Variants in FHIT observed in about 807,000 individuals in gnomAD.
The protein encoded by FHIT is bis(5'-adenosyl)-triphosphatase.
A neutral mutation model predicts 17.9 loss-of-function variants in FHIT; 19 were observed. The ratio of observed to expected loss-of-function variants is 1.06; its 90% CI spans 0.74 to 1.56. The LOEUF (loss-of-function observed/expected upper bound fraction) is 1.56. Among genes scored for constraint, FHIT ranks in the 40% most tolerant of loss-of-function variants. The pLI, the probability that FHIT is intolerant of heterozygous loss-of-function variation, is 0.00. For missense variants in FHIT, 248 were observed against 189.2 expected, an observed-to-expected ratio of 1.31 and a Z score of -1.82; for synonymous variants, 81 against 69.7, an observed-to-expected ratio of 1.16 and a Z score of -0.81.
chr3:60,013,885 T>C, intron 6 of FHIT, 122 bp downstream of exon 6: 1 of 1,017,112 alleles, frequency 9.8e-7, no homozygotes, highest in Non-Finnish European at 1.5e-6. Context: ...TCTCTTTTTT[T>C]GGCTGCTACC....
chr3:60,001,117 C>T (rs1699713745), intron 7 of FHIT, among the ~76,000 whole-genome samples: 1 of 152,194 alleles, frequency 6.6e-6, no homozygotes, highest in Non-Finnish European at 1.5e-5. Flanking sequence ...TTGTTTTAGT[C>T]TTTCTAGTAT....
At chr3:60,996,543 T>A (rs73102302) in intron 3 of FHIT, among the ~76,000 whole-genome samples, 12,567 of 152,232 alleles carry the variant, frequency 0.083, 557 homozygotes, top group East Asian at 0.17. Flanking sequence ...AGGAAAATAA[T>A]GTAACAAGCT....
At chr3:60,206,954 A>G (rs752636146) in intron 5 of FHIT, among the ~76,000 whole-genome samples, 1 of 152,226 alleles carries the variant, frequency 6.6e-6, no homozygotes, top group Non-Finnish European at 1.5e-5. Flanking sequence ...GAGTAAAAAT[A>G]GATACCTCCC....
At chr3:60,956,346 A>G (rs1457957896) in intron 3 of FHIT, among the ~76,000 whole-genome samples, 31 of 152,208 alleles carry the variant, frequency 2.0e-4, no homozygotes, top group Admixed American at 2.0e-3. Context: ...GGCCTTATGA[A>G]GAACCAGAGC....
chr3:60,285,981 G>T (rs920083347), intron 5 of FHIT, among the ~76,000 whole-genome samples: 4 of 152,108 alleles, frequency 2.6e-5, no homozygotes, highest in Non-Finnish European at 4.4e-5. Flanking sequence ...TCACAGCATG[G>T]CTGTTGGATT....
intron 3 of FHIT, among the ~76,000 whole-genome samples, chr3:60,880,874 G>A (rs1378533092): frequency 1.3e-5 from 2 of 151,954 alleles, no homozygotes; most frequent in African/African-American, 4.8e-5. Context: ...AAGAACAAAG[G>A]ATATGCAAAA....
chr3:60,732,133 A>C, intron 4 of FHIT: 1 of 735,390 alleles, frequency 1.4e-6, no homozygotes, highest in Non-Finnish European at 2.3e-6. Context: ...AAGAGAAAAC[A>C]CAAGTCAAAC....
intron 5 of FHIT, among the ~76,000 whole-genome samples, chr3:60,227,906 C>A (rs1322800123): frequency 6.6e-6 from 1 of 152,108 alleles, no homozygotes; most frequent in African/African-American, 2.4e-5. Flanking sequence ...TGGATTTTAT[C>A]AAAAAGTGAA....
intron 4 of FHIT, among the ~76,000 whole-genome samples, chr3:60,539,123 TG>T (rs1261138227): frequency 6.6e-6 from 1 of 152,102 alleles, no homozygotes; most frequent in African/African-American, 2.4e-5. Flanking sequence ...CATCAACAAG[TG>T]GGCGAAAGAT....
intron 5 of FHIT, among the ~76,000 whole-genome samples, chr3:60,368,189 T>A (rs1422342436): frequency 1.6e-5 from 2 of 126,626 alleles, no homozygotes; most frequent in African/African-American, 3.0e-5. Flanking sequence ...ATAAAACATA[T>A]CTTTTTAAAA....
intron 5 of FHIT, among the ~76,000 whole-genome samples, chr3:60,237,876 C>T (rs1704889582): frequency 6.6e-6 from 1 of 152,054 alleles, no homozygotes; most frequent in East Asian, 1.9e-4. Context: ...TGGCTTATGC[C>T]TATAATCCCA....
intron 5 of FHIT, among the ~76,000 whole-genome samples, chr3:60,368,817 G>T (rs1700211757): frequency 6.6e-6 from 1 of 151,984 alleles, no homozygotes; most frequent in Admixed American, 6.6e-5. Context: ...ATATTTAAGT[G>T]TGTAATACAT....
At chr3:60,177,000 A>C (rs919478233) in intron 5 of FHIT, among the ~76,000 whole-genome samples, 1 of 152,122 alleles carries the variant, frequency 6.6e-6, no homozygotes, top group Non-Finnish European at 1.5e-5. Context: ...GGAAGAAAAA[A>C]TACAACATAA....
At chr3:60,832,687 T>TA (rs879964941) in intron 3 of FHIT, among the ~76,000 whole-genome samples, 3,006 of 132,792 alleles carry the variant, frequency 0.023, 77 homozygotes, top group African/African-American at 0.073. Flanking sequence ...AATCAATTCA[T>TA]AAAAAAAAAA....
chr3:60,814,587 T>A (rs1181031055), intron 4 of FHIT, among the ~76,000 whole-genome samples: 2 of 152,172 alleles, frequency 1.3e-5, no homozygotes, highest in East Asian at 3.8e-4. Context: ...TGTACCAAAT[T>A]TTCTTTATCT....
chr3:60,002,120 A>G (rs1184536715), intron 7 of FHIT, among the ~76,000 whole-genome samples: 1 of 152,162 alleles, frequency 6.6e-6, no homozygotes, highest in Non-Finnish European at 1.5e-5. Flanking sequence ...GGCAGGGTCA[A>G]CATCTTAAAG....
At chr3:60,576,238 T>TA (rs11405504) in intron 4 of FHIT, among the ~76,000 whole-genome samples, 85,686 of 151,640 alleles carry the variant, frequency 0.57, 24,496 homozygotes, top group Admixed American at 0.66. Context: ...AAAATTTTTT[T>TA]AAAAAATACA....
chr3:60,131,389 G>A (rs563755305), intron 5 of FHIT, among the ~76,000 whole-genome samples: 13 of 151,750 alleles, frequency 8.6e-5, no homozygotes, highest in East Asian at 3.9e-4. Context: ...ATTCACACAC[G>A]CAGAGCCCAT....
At chr3:60,377,753 T>A in intron 5 of FHIT, among the ~76,000 whole-genome samples, 1 of 150,980 alleles carries the variant, frequency 6.6e-6, no homozygotes, top group East Asian at 2.0e-4. Flanking sequence ...AGTGCTGGGA[T>A]TACAGGCGTG....
Sources: allele counts gnomAD v4.1 joint callset (sites outside exome capture counted in the v4.1 genomes callset), GRCh38; gene constraint gnomAD v4.1.1; transcripts MANE v1.5; gene names NCBI Gene and HGNC (gene_info 2026-07-23, HGNC 2026-07-21).